ASH1L: variants seen among roughly 807,000 people sequenced by gnomAD.
ASH1L encodes histone-lysine N-methyltransferase ASH1L.
Under a neutral mutation model 269.0 loss-of-function variants are expected in ASH1L, and 23 were observed. The observed-to-expected ratio is 0.09, with a 90% CI of 0.06 to 0.12. The LOEUF is 0.12. ASH1L is among the 10% of genes least tolerant of loss of function. ASH1L has a pLI of 1.00. For synonymous variants in ASH1L, 1,187 were observed against 1,253.5 expected, an observed-to-expected ratio of 0.95 and a Z score of 1.12; for missense variants, 2,912 against 3,567.8, an observed-to-expected ratio of 0.82 and a Z score of 4.68.
chr1:155,403,724 G>A (rs1245579563), intron 6 of ASH1L, among the ~76,000 whole-genome samples: 2 of 152,038 alleles, frequency 1.3e-5, no homozygotes, highest in Non-Finnish European at 1.5e-5. Context: ...GCAATTACCA[G>A]AAGAAAACAA....
intron 1 of ASH1L, among the ~76,000 whole-genome samples, chr1:155,537,730 A>ATT (rs1472212474): frequency 1.3e-5 from 2 of 151,758 alleles, no homozygotes; most frequent in African/African-American, 4.9e-5. Flanking sequence ...TTTCTTAGAT[A>ATT]TGACAGCATG....
intron 1 of ASH1L, among the ~76,000 whole-genome samples, chr1:155,543,554 G>T (rs1416844817): frequency 1.3e-5 from 2 of 148,178 alleles, no homozygotes; most frequent in Non-Finnish European, 1.5e-5. Context: ...ACAAGGAGAT[G>T]ATTTATTTGA....
Position 155,343,531 on chromosome 1 carries a change from C to A in ASH1L, c.8121-45G>T. The A allele has an allele frequency of 6.2e-7, 1 of 1,611,708 alleles. No homozygotes were observed. The highest frequency in any genetic ancestry group is 8.5e-7 in the Non-Finnish European group (1 of 1,178,434). ...AGAAGGGAGAGGTTTAGCTGATTAG[C>A]AAGATCCTAGTGAACATTCAGCTCC... On this transcript the variant is annotated intron_variant, in intron 23 of 27. Transcript: ENST00000392403. This position sits in a 1 kb window ranked among gnomAD's most constrained non-coding sequence, Gnocchi z 6.1.
intron 4 of ASH1L, among the ~76,000 whole-genome samples, chr1:155,456,349 C>T (rs1423386966): frequency 6.6e-6 from 1 of 152,186 alleles, no homozygotes; most frequent in Non-Finnish European, 1.5e-5. Context: ...TTCACATTCT[C>T]AGACTATTTT....
At chr1:155,423,583 C>CAAAACA (rs780330633) in intron 5 of ASH1L, among the ~76,000 whole-genome samples, 53 of 152,010 alleles carry the variant, frequency 3.5e-4, no homozygotes, top group Non-Finnish European at 6.9e-4. Context: ...CAAAACAAAA[C>CAAAACA]AAAACAAAAA....
At chr1:155,527,122 T>C (rs1265146044) in intron 1 of ASH1L, among the ~76,000 whole-genome samples, 2 of 151,870 alleles carry the variant, frequency 1.3e-5, no homozygotes, top group African/African-American at 2.4e-5. Context: ...GCAGGAGAAT[T>C]GCTTGAACCC....
At chr1:155,373,297 T>C (rs1397764895) in intron 10 of ASH1L, among the ~76,000 whole-genome samples, 1 of 151,568 alleles carries the variant, frequency 6.6e-6, no homozygotes, top group Non-Finnish European at 1.5e-5. Context: ...TTTCTTTACT[T>C]TTTTTTTGGA....
At chr1:155,388,915 C>T (rs1657670647) in intron 7 of ASH1L, among the ~76,000 whole-genome samples, 1 of 151,562 alleles carries the variant, frequency 6.6e-6, no homozygotes, top group African/African-American at 2.4e-5. Context: ...CACTACATTG[C>T]CTAAGTTGGT....
chr1:155,467,920 G>GT (rs146497007), intron 3 of ASH1L, among the ~76,000 whole-genome samples: 1,549 of 152,138 alleles, frequency 0.01, 28 homozygotes, highest in African/African-American at 0.035. Flanking sequence ...GAGAATACTC[G>GT]TATGTCCTTT....
Position 155,494,615 on chromosome 1 carries a change from G to A in ASH1L, c.421-12166C>T, listed in dbSNP as rs79615747. Among the ~76,000 whole-genome samples, 743 of 152,274 alleles carry A rather than the reference G, an allele frequency of 4.9e-3. 3 individuals carry two copies. The highest frequency in any genetic ancestry group is 0.01 in the Middle Eastern group (3 of 294). ...TAATTAGGCAATTAGGTTATGCTGC[G>A]ATGATCAGCTAACATTTTAGTAACG... is the stretch of plus-strand genomic sequence containing the variant. On this transcript the variant is annotated intron_variant, in intron 2 of 27. Coordinates refer to ENST00000392403, the MANE Select transcript of ASH1L (RefSeq NM_018489.3).
intron 4 of ASH1L, among the ~76,000 whole-genome samples, chr1:155,443,145 C>A (rs1006531819): frequency 2.0e-5 from 3 of 152,198 alleles, no homozygotes; most frequent in Non-Finnish European, 2.9e-5. Flanking sequence ...AAGAATGAAT[C>A]CTGGGATCAA....
intron 10 of ASH1L, among the ~76,000 whole-genome samples, chr1:155,373,456 TA>T (rs112177660): frequency 6.7e-4 from 101 of 149,860 alleles, no homozygotes; most frequent in African/African-American, 9.5e-4. Flanking sequence ...TCTGACTACT[TA>T]AAAAAAAAAT....
At chr1:155,418,490 T>C (rs1291870211) in intron 5 of ASH1L, among the ~76,000 whole-genome samples, 1 of 151,978 alleles carries the variant, frequency 6.6e-6, no homozygotes, top group African/African-American at 2.4e-5. Flanking sequence ...AAGAATATAA[T>C]ACTAACAGAA....
intron 1 of ASH1L, among the ~76,000 whole-genome samples, chr1:155,555,568 A>T (rs542198816): frequency 3.8e-4 from 58 of 151,990 alleles, no homozygotes; most frequent in Non-Finnish European, 7.7e-4. Context: ...GACATTTTTT[A>T]GCATCTTGTC....
intron 1 of ASH1L, among the ~76,000 whole-genome samples, chr1:155,549,887 T>C (rs1303219023): frequency 6.6e-6 from 1 of 152,148 alleles, no homozygotes. Flanking sequence ...GAAGTCATCC[T>C]TGACTCCTCT....
At chr1:155,498,032 GT>G (rs1353832147) in intron 2 of ASH1L, among the ~76,000 whole-genome samples, 1 of 152,232 alleles carries the variant, frequency 6.6e-6, no homozygotes, top group Admixed American at 6.5e-5. Flanking sequence ...GGTTACAGGC[GT>G]GAGCCACCAC....
At chr1:155,539,484 T>C (rs1038214618) in intron 1 of ASH1L, among the ~76,000 whole-genome samples, 4 of 151,758 alleles carry the variant, frequency 2.6e-5, no homozygotes, top group South Asian at 2.1e-4. Flanking sequence ...TGAGAAAAAA[T>C]CTTGCTCTGT....
intron 2 of ASH1L, among the ~76,000 whole-genome samples, chr1:155,496,954 G>C (rs1444075459): frequency 6.6e-6 from 1 of 152,000 alleles, no homozygotes; most frequent in African/African-American, 2.4e-5. Flanking sequence ...CCAATTATTA[G>C]ATTTTCTATT....
At chr1:155,386,473 T>C (rs946860823) in intron 7 of ASH1L, among the ~76,000 whole-genome samples, 2 of 152,034 alleles carry the variant, frequency 1.3e-5, no homozygotes, top group African/African-American at 4.8e-5. Flanking sequence ...TTGCAACCTC[T>C]GCCACCCGGA....
Sources: allele counts gnomAD v4.1 joint callset (sites outside exome capture counted in the v4.1 genomes callset), GRCh38; gene constraint gnomAD v4.1.1; non-coding constraint Gnocchi (gnomAD v3.1); transcripts MANE v1.5; gene names NCBI Gene and HGNC (gene_info 2026-07-23, HGNC 2026-07-21).